Variants in GAB2 observed in about 807,000 individuals in gnomAD.
GAB2 encodes the protein GRB2 associated binding protein 2, also known as GRB2-associated-binding protein 2.
A neutral mutation model predicts 65.5 loss-of-function variants in GAB2; 26 were observed. The ratio of observed to expected loss-of-function variants is 0.40; its 90% confidence interval spans 0.29 to 0.55. The LOEUF (loss-of-function observed/expected upper bound fraction) is 0.55. Among genes scored for constraint, GAB2 ranks in the 20% least tolerant of loss-of-function variants. GAB2 has a pLI of 0.53. For synonymous variants in GAB2, 321 were observed against 329.6 expected, an observed-to-expected ratio of 0.97 and a Z score of 0.28; for missense variants, 884 against 875.8, an observed-to-expected ratio of 1.01 and a Z score of -0.12.
intron 2 of GAB2, 149 bp from the exon 3 acceptor site, chr11:78,250,549 G>A (rs1865426222): frequency 1.4e-6 from 1 of 694,766 alleles, no homozygotes; most frequent in East Asian, 2.7e-5. Flanking sequence ...GCCCCTTGCT[G>A]CCCTCCTGGC....
chr11:78,233,081 C>T (rs1864891073), intron 3 of GAB2, among the ~76,000 whole-genome samples: 1 of 142,124 alleles, frequency 7.0e-6, no homozygotes, highest in African/African-American at 2.7e-5. Flanking sequence ...GCTCTATTGC[C>T]CAGGCTGGAA....
rs770759813 is a variant in GAB2 at position 78,327,157 on chromosome 11, A to C, written c.76-46256T>G. ...GTGGGTATACAGTGGGAACTCAATA[A>C]ATCGGTATCTGGGTCAATTTTAATC... On this transcript the variant is annotated intron_variant, in intron 1 of 9. Coordinates refer to ENST00000361507, the MANE Select transcript of GAB2 (RefSeq NM_080491.3). Among the ~76,000 whole-genome samples, 21 of 152,218 alleles carry C rather than the reference A, an allele frequency of 1.4e-4. 1 individual carries two copies. Among genetic ancestry groups the C allele is most frequent in the Non-Finnish European group, 2.8e-4 (19 of 68,030 alleles).
chr11:78,305,292 C>CTTT (rs2134633282), intron 1 of GAB2, among the ~76,000 whole-genome samples: 1 of 152,160 alleles, frequency 6.6e-6, no homozygotes, highest in East Asian at 1.9e-4. Context: ...TAGATAGGAC[C>CTTT]CAAAGCCTTT....
chr11:78,293,555 TA>T (rs1866739066), intron 1 of GAB2, among the ~76,000 whole-genome samples: 1 of 152,188 alleles, frequency 6.6e-6, no homozygotes, highest in Non-Finnish European at 1.5e-5. Context: ...ATCCTTTATA[TA>T]AAGCTGACTC....
At chr11:78,371,558 C>T (rs11237471) in intron 1 of GAB2, among the ~76,000 whole-genome samples, 36,188 of 152,174 alleles carry the variant, frequency 0.24, 4,802 homozygotes, top group East Asian at 0.41. Context: ...GCTAACATCA[C>T]TCTGCCCAAC....
At chr11:78,371,283 A>G (rs909727022) in intron 1 of GAB2, among the ~76,000 whole-genome samples, 1 of 152,264 alleles carries the variant, frequency 6.6e-6, no homozygotes, top group African/African-American at 2.4e-5. Flanking sequence ...AGTCTAATGA[A>G]AAGGGCAGGG....
At chr11:78,360,567 C>A (rs900228203) in intron 1 of GAB2, among the ~76,000 whole-genome samples, 2 of 152,014 alleles carry the variant, frequency 1.3e-5, no homozygotes, top group East Asian at 1.9e-4. Context: ...GTAAAAACAC[C>A]ATTTTTTTGG....
intron 1 of GAB2, among the ~76,000 whole-genome samples, chr11:78,327,954 C>T (rs1855852641): frequency 6.6e-6 from 1 of 152,132 alleles, no homozygotes; most frequent in South Asian, 2.1e-4. Context: ...TAATAATAAG[C>T]TGTGCTTTGG....
Position 78,280,445 on chromosome 11 carries a change from C to A in GAB2, c.376+156G>T, listed in dbSNP as rs117059183. The stretch of plus-strand genomic sequence containing the variant: ...TAGAGCATAATTAGGGCCAGGTGTC[C>A]CTCTAATATTTGGCCAACCCCTTCA... On this transcript the variant is annotated intron_variant, in intron 2 of 9. Transcript: ENST00000361507. 907 of 663,182 alleles carry A rather than the reference C, an allele frequency of 1.4e-3. 4 individuals carry two copies. Among genetic ancestry groups the A allele is most frequent in the Non-Finnish European group, 1.8e-3 (680 of 376,010 alleles). 41.1% of individuals were successfully genotyped at this position (663,182 alleles called of 1,614,324 possible). A position where few individuals can be genotyped will look rare whatever the true frequency, so the allele number is the denominator to read the frequency against.
intron 1 of GAB2, among the ~76,000 whole-genome samples, chr11:78,402,142 G>A (rs1210779436): frequency 5.9e-5 from 9 of 152,058 alleles, no homozygotes; most frequent in Admixed American, 1.3e-4. Context: ...TCATCCTGCT[G>A]ATAATCCAGC....
At chr11:78,326,079 T>G (rs965866982) in intron 1 of GAB2, among the ~76,000 whole-genome samples, 5 of 152,222 alleles carry the variant, frequency 3.3e-5, no homozygotes, top group Non-Finnish European at 7.4e-5. Context: ...AGAGTGAATA[T>G]ATACAATGTC....
intron 2 of GAB2, among the ~76,000 whole-genome samples, chr11:78,261,931 C>A (rs1865746304): frequency 6.6e-6 from 1 of 152,108 alleles, no homozygotes; most frequent in African/African-American, 2.4e-5. Context: ...CAGAAATATC[C>A]AAAATACATC....
chr11:78,401,704 A>T (rs1252865606), intron 1 of GAB2, among the ~76,000 whole-genome samples: 1 of 152,126 alleles, frequency 6.6e-6, no homozygotes, highest in Non-Finnish European at 1.5e-5. Context: ...TGTGATATGT[A>T]TATGTGTGTA....
intron 1 of GAB2, among the ~76,000 whole-genome samples, chr11:78,317,514 G>A (rs563260696): frequency 3.6e-4 from 50 of 138,666 alleles, no homozygotes; most frequent in African/African-American, 1.2e-3. Flanking sequence ...GAGCTGAGAT[G>A]GCGCCACTGC....
At chr11:78,370,129 C>T (rs1434292996) in intron 1 of GAB2, among the ~76,000 whole-genome samples, 2 of 149,512 alleles carry the variant, frequency 1.3e-5, no homozygotes, top group East Asian at 3.9e-4. Flanking sequence ...TAGTGGCGGG[C>T]GCCTGTAGTC....
At chr11:78,417,107 T>G (rs916223705) in intron 1 of GAB2, among the ~76,000 whole-genome samples, 16 of 152,126 alleles carry the variant, frequency 1.1e-4, no homozygotes, top group African/African-American at 3.6e-4. Context: ...GGGCTGCACA[T>G]GCCGCTGACG....
chr11:78,415,780 G>A (rs1222978359), intron 1 of GAB2, among the ~76,000 whole-genome samples: 1 of 152,152 alleles, frequency 6.6e-6, no homozygotes, highest in Non-Finnish European at 1.5e-5. Flanking sequence ...AGTTGTTTGG[G>A]AACAAAAACA....
chr11:78,269,832 A>G (rs191849578), intron 2 of GAB2, among the ~76,000 whole-genome samples: 1 of 152,364 alleles, frequency 6.6e-6, no homozygotes, highest in Admixed American at 6.5e-5. Context: ...ATTCCATAAG[A>G]TTAGACATGT....
intron 1 of GAB2, among the ~76,000 whole-genome samples, chr11:78,304,714 A>T (rs1160274598): frequency 6.6e-6 from 1 of 152,162 alleles, no homozygotes; most frequent in Non-Finnish European, 1.5e-5. Flanking sequence ...GCCTGACATT[A>T]AAGTATTGTT....
Sources: gnomAD v4.1 joint callset for allele counts (sites outside exome capture counted in the v4.1 genomes callset) on GRCh38, gnomAD v4.1.1 for gene constraint, MANE v1.5 for transcripts, NCBI Gene and HGNC (gene_info 2026-07-23, HGNC 2026-07-21) for gene names.